Variants in ZNF521 observed in about 807,000 individuals in gnomAD.
ZNF521 encodes the protein zinc finger protein 521.
A neutral mutation model predicts 105.5 loss-of-function variants in ZNF521; 14 were observed. The ratio of observed to expected loss-of-function variants is 0.13; its 90% CI spans 0.09 to 0.21. The LOEUF (loss-of-function observed/expected upper bound fraction) is 0.21, where lower values mean the gene tolerates loss of function less well. Ranked by LOEUF, ZNF521 falls within the 10% of genes least tolerant of loss-of-function variation. The pLI, the probability that ZNF521 is intolerant of heterozygous loss-of-function variation, is 1.00. For synonymous variants in ZNF521, 635 were observed against 606.0 expected (o/e 1.05, Z -0.70); for missense variants, 1,233 against 1,629.7 (o/e 0.76, Z 4.19).
At chr18:25,273,561 A>T (rs1909826651) in intron 3 of ZNF521, 2 of 152,224 alleles carry the variant, frequency 1.3e-5, no homozygotes, top group Admixed American at 1.3e-4. Flanking sequence ...ACTTTGGACA[A>T]GTTATTTGCC....
chr18:25,079,981 T>C (rs2033456308), intron 7 of ZNF521, among the ~76,000 whole-genome samples: 1 of 152,196 alleles, frequency 6.6e-6, no homozygotes, highest in Non-Finnish European at 1.5e-5. Flanking sequence ...AAATTAAGTT[T>C]TGGCAATGTG....
intron 3 of ZNF521, among the ~76,000 whole-genome samples, chr18:25,254,678 G>C (rs1038214990): frequency 6.6e-6 from 1 of 152,120 alleles, no homozygotes; most frequent in African/African-American, 2.4e-5. Flanking sequence ...GGTAAGAACA[G>C]GGAATGGGTA....
At chr18:25,147,678 T>A (rs1161195332) in intron 5 of ZNF521, among the ~76,000 whole-genome samples, 1 of 152,192 alleles carries the variant, frequency 6.6e-6, no homozygotes, top group Non-Finnish European at 1.5e-5. Context: ...GAGGCCTATA[T>A]TCAGAGAAAC....
At chr18:25,200,260 C>T (rs978786782) in intron 4 of ZNF521, among the ~76,000 whole-genome samples, 10 of 152,122 alleles carry the variant, frequency 6.6e-5, no homozygotes, top group Admixed American at 2.0e-4. Context: ...CTTACGAGAG[C>T]GAAGGAACTG....
At chr18:25,097,294 T>G (rs1406107128) in intron 5 of ZNF521, among the ~76,000 whole-genome samples, 1 of 152,152 alleles carries the variant, frequency 6.6e-6, no homozygotes, top group Non-Finnish European at 1.5e-5. Flanking sequence ...GTTTCATGAC[T>G]GTAACATAAA....
intron 2 of ZNF521, among the ~76,000 whole-genome samples, chr18:25,332,508 T>A (rs564497484): frequency 6.6e-6 from 1 of 152,222 alleles, no homozygotes; most frequent in East Asian, 1.9e-4. Context: ...GGTTCCTTCA[T>A]CCTGATAAAC....
chr18:25,251,468 T>C (rs1172566489), intron 3 of ZNF521, among the ~76,000 whole-genome samples: 1 of 152,222 alleles, frequency 6.6e-6, no homozygotes, highest in African/African-American at 2.4e-5. Context: ...AGGGGCCTAA[T>C]AAATGCACTG....
At position 25,135,279 on chromosome 18, in the gene ZNF521, C is replaced by CGTGTGTGTGT. The variant is rs35980671; in HGVS notation, c.3659-43208_3659-43199dup. ...ACACATACATACATGTATATGTATACGTGTGTGTGTGTGTGTGTGTGTGTG... is the reference window on the plus strand; with the variant it reads ...ACACATACATACATGTATATGTATACGTGTGTGTGTGTGTGTGTGTGTGTGTGTGTGTGTG... On this transcript the variant is annotated intron_variant, in intron 5 of 7. Coordinates refer to ENST00000361524, the MANE Select transcript of ZNF521 (RefSeq NM_015461.3). Among the ~76,000 whole-genome samples, 895 of 146,212 alleles carry CGTGTGTGTGT rather than the reference C, an allele frequency of 6.1e-3. 16 individuals carry two copies. Among genetic ancestry groups the CGTGTGTGTGT allele is most frequent in the African/African-American group, 0.021 (815 of 39,608 alleles).
chr18:25,112,805 C>G (rs1030580547), intron 5 of ZNF521, among the ~76,000 whole-genome samples: 1 of 152,104 alleles, frequency 6.6e-6, no homozygotes, highest in Non-Finnish European at 1.5e-5. Context: ...CAAGACAGAC[C>G]AGTAAACACA....
intron 3 of ZNF521, among the ~76,000 whole-genome samples, chr18:25,260,524 T>C (rs1241760920): frequency 6.6e-6 from 1 of 152,228 alleles, no homozygotes; most frequent in South Asian, 2.1e-4. Flanking sequence ...TTCAACTTCA[T>C]GGATTTCTTT....
chr18:25,295,533 G>A (rs1416887110), intron 3 of ZNF521, among the ~76,000 whole-genome samples: 1 of 151,164 alleles, frequency 6.6e-6, no homozygotes, highest in Non-Finnish European at 1.5e-5. Flanking sequence ...TTACCTTGAT[G>A]TGATTATTAT....
chr18:25,122,247 G>A (rs1321763970), intron 5 of ZNF521, among the ~76,000 whole-genome samples: 1 of 151,988 alleles, frequency 6.6e-6, no homozygotes, highest in African/African-American at 2.4e-5. Flanking sequence ...AAATGAAACA[G>A]AGAGACAAGG....
chr18:25,252,983 C>T (rs1908221643), intron 3 of ZNF521, among the ~76,000 whole-genome samples: 1 of 152,098 alleles, frequency 6.6e-6, no homozygotes, highest in South Asian at 2.1e-4. Context: ...ATAAGGCAAA[C>T]CAACTTCCTT....
chr18:25,213,116 T>C (rs1568012648), intron 4 of ZNF521, among the ~76,000 whole-genome samples: 1 of 150,134 alleles, frequency 6.7e-6, no homozygotes, highest in Non-Finnish European at 1.5e-5. Flanking sequence ...TTATAAAATA[T>C]TAGTTAAAAT....
chr18:25,277,912 T>G (rs1318843534), intron 3 of ZNF521, among the ~76,000 whole-genome samples: 2 of 152,076 alleles, frequency 1.3e-5, no homozygotes, highest in Non-Finnish European at 2.9e-5. Context: ...TCCATTAAAA[T>G]TAATGTACTG....
intron 2 of ZNF521, among the ~76,000 whole-genome samples, chr18:25,338,083 A>G (rs1402180031): frequency 6.6e-6 from 1 of 152,118 alleles, no homozygotes; most frequent in Admixed American, 6.5e-5. Context: ...TGGGTACATT[A>G]CCCCAGCTAG....
intron 3 of ZNF521, among the ~76,000 whole-genome samples, chr18:25,265,539 C>T (rs1001670046): frequency 6.6e-6 from 1 of 152,184 alleles, no homozygotes; most frequent in Admixed American, 6.5e-5. Context: ...ACATATCCAT[C>T]CTCCTCATTC....
chr18:25,089,728 T>G, intron 6 of ZNF521, 148 bp from the exon 7 acceptor site: 2 of 661,400 alleles, frequency 3.0e-6, no homozygotes, highest in Non-Finnish European at 5.4e-6. Flanking sequence ...TGAGTCACAT[T>G]TGCTCATGGT....
chr18:25,308,475 G>T (rs1912107796), intron 3 of ZNF521, among the ~76,000 whole-genome samples: 1 of 152,002 alleles, frequency 6.6e-6, no homozygotes, highest in Admixed American at 6.6e-5. Context: ...ATTTTCTACA[G>T]CTTAAAATTG....
Sources: gnomAD v4.1 joint callset for allele counts (sites outside exome capture counted in the v4.1 genomes callset) on GRCh38, gnomAD v4.1.1 for gene constraint, MANE v1.5 for transcripts, NCBI Gene and HGNC (gene_info 2026-07-23, HGNC 2026-07-21) for gene names.